The following PRSS16 variants were observed in gnomAD, a reference collection of about 807,000 sequenced individuals.
PRSS16 encodes thymus-specific serine protease.
A neutral mutation model predicts 61.7 loss-of-function variants in PRSS16; 43 were observed. That is an observed-to-expected ratio of 0.70 (90% CI 0.55 to 0.90). PRSS16 has a LOEUF of 0.90. PRSS16 is among the 40% of genes least tolerant of loss of function. The probability of loss-of-function intolerance (pLI) is 0.00; values close to 1 mark genes in which losing one functional copy is unlikely to be tolerated. For missense variants in PRSS16, 591 were observed against 659.1 expected, an observed-to-expected ratio of 0.90 and a Z score of 1.13; for synonymous variants, 273 against 285.2, an observed-to-expected ratio of 0.96 and a Z score of 0.43.
At chr6:27,249,041 AG>A in intron 3 of PRSS16, 58 bp from the exon 4 acceptor site, 2 of 1,485,374 alleles carry the variant, frequency 1.3e-6, no homozygotes, top group Non-Finnish European at 9.3e-7. Context: ...GAGGAGTGAA[AG>A]GGCTTAAACT....
At position 27,255,242 on chromosome 6, in the gene PRSS16, C is replaced by T; in HGVS notation, c.1477-5C>T. On this transcript the variant is annotated splice_region_variant and splice_polypyrimidine_tract_variant and intron_variant, in intron 11 of 11. Transcript: ENST00000230582. The surrounding 1 kb of genome is among the most constrained non-coding windows in gnomAD (Gnocchi z 4.4). The stretch of plus-strand genomic sequence containing the variant: ...GACTTTCAAATTCTTCCCACCTCCC[C>T]ACAGAACATCTTCCAGCAGCTACAG... 6.2e-7 allele frequency: 1 copy of T among 1,614,036 alleles called. No homozygotes were observed. Among genetic ancestry groups the T allele is most frequent in the South Asian group, 1.1e-5 (1 of 91,060 alleles).
chr6:27,253,218 G>A, intron 9 of PRSS16: 1 of 472,898 alleles, frequency 2.1e-6, no homozygotes, highest in Non-Finnish European at 3.9e-6. Flanking sequence ...TCCAGGGATG[G>A]CCCCCTTTCC....
Position 27,248,954 on chromosome 6 carries a change from G to T in PRSS16, c.337+8G>T, listed in dbSNP as rs1759802253. 3.1e-6 allele frequency: 5 copies of T among 1,598,914 alleles called. No individual in the cohort carries two copies. Among genetic ancestry groups the T allele is most frequent in the Non-Finnish European group, 3.4e-6 (4 of 1,170,242 alleles). On this transcript the variant is annotated splice_region_variant and intron_variant, in intron 3 of 11. Coordinates refer to ENST00000230582, the MANE Select transcript of PRSS16 (RefSeq NM_005865.4). ...CTGGCTCAGTGATGAGAGGTAAGAG[G>T]CAATGTTGGGGGAAAGGAGTTGGGA...
At chr6:27,253,055 A>C in intron 9 of PRSS16, 106 bp downstream of exon 9, 22 of 1,438,906 alleles carry the variant, frequency 1.5e-5, no homozygotes, top group Non-Finnish European at 1.9e-5. Flanking sequence ...CCCAGCTCTC[A>C]GGCACTGTGT....
Position 27,248,960 on chromosome 6 carries a change from T to C in PRSS16, c.337+14T>C, listed in dbSNP as rs897727311. 1.4e-5 allele frequency: 23 copies of C among 1,594,346 alleles called. No homozygotes were observed. Among genetic ancestry groups the C allele is most frequent in the Non-Finnish European group, 1.9e-5 (22 of 1,166,952 alleles). On this transcript the variant is annotated intron_variant, in intron 3 of 11. Coordinates refer to ENST00000230582, the MANE Select transcript of PRSS16 (RefSeq NM_005865.4). ...CAGTGATGAGAGGTAAGAGGCAATG[T>C]TGGGGGAAAGGAGTTGGGATGCTGG...
At position 27,254,817 on chromosome 6, in the gene PRSS16, G is replaced by A. The variant is rs141944192; in HGVS notation, c.1275G>A (p.Thr425=). ...CAGTAGCCCAGGCTGTGGCTCAGAC[G>A]AACTCCTACTACGGTGGCCAGACCC... The part of the protein sequence containing the change: ...ALSVAQAVAQ[T]NSYYGGQTPG... The change falls in exon 10 of 12, where the codon ACG becomes ACA. Residue 425 remains threonine (T), a synonymous_variant. Transcript: ENST00000230582. 23 of 1,614,058 alleles carry A rather than the reference G, an allele frequency of 1.4e-5. No individual in the cohort carries two copies. The African/African-American group carries it at 2.0e-4, about 14-fold the overall frequency.
rs1425268777 is a variant in PRSS16, at chr6:27,248,894, A to G, written c.285A>G (p.Ile95Met). 6.2e-7 allele frequency: 1 copy of G among 1,612,934 alleles called. No individual in the cohort carries two copies. The highest frequency in any genetic ancestry group is 2.2e-5 in the East Asian group (1 of 44,874). The change falls in exon 3 of 12, where the codon ATA becomes ATG. Residue 95 changes from isoleucine (I) to methionine (M), a missense_variant. Transcript: ENST00000230582. ...ATTGGGTTGGCCAGGATGGACCCAT[A>G]TTCCTGCATCTAGGGGGTGAGGGCA... ...DQHWVGQDGPIFLHLGGEGSL... is the reference protein window; with the variant it reads ...DQHWVGQDGPMFLHLGGEGSL...
In PRSS16 at chr6:27,251,290, G is replaced by A. The variant is rs1429320277; in HGVS notation, c.717+26G>A. On this transcript the variant is annotated intron_variant, in intron 7 of 11. Transcript: ENST00000230582. This position sits in a 1 kb window ranked among gnomAD's most constrained non-coding sequence, Gnocchi z 5.6. Reference sequence around the variant, plus strand: ...GTAGGAGGTGGGGCCTAGTCCGAGGGGGACTGGGAGGGAAAAGAGGCCTCG... The same window carrying A: ...GTAGGAGGTGGGGCCTAGTCCGAGGAGGACTGGGAGGGAAAAGAGGCCTCG... 1 of 1,573,666 alleles carries A rather than the reference G, an allele frequency of 6.4e-7. No homozygotes were observed. The highest frequency in any genetic ancestry group is 8.6e-7 in the Non-Finnish European group (1 of 1,162,262).
chr6:27,255,118 G>A lies in PRSS16; in HGVS notation c.1463G>A (p.Arg488His), dbSNP rs1385288649. Reference sequence around the variant, plus strand: ...AGGCCCTCAGACTCCCCCAGCCTCCGCCTAGGGCGCCAGGTAAGAGAAAAA... The same window carrying A: ...AGGCCCTCAGACTCCCCCAGCCTCCACCTAGGGCGCCAGGTAAGAGAAAAA... ...PERPSDSPSL[R>H]LGRQNIFQQL... The change falls in exon 11 of 12, where the codon CGC (arginine) becomes CAC (histidine). Residue 488 changes from arginine to histidine, a missense_variant. Arg to His is a conservative substitution (Grantham distance 29, BLOSUM62 0). Coordinates refer to ENST00000230582, the MANE Select transcript of PRSS16 (RefSeq NM_005865.4). The surrounding 1 kb of genome is among the most constrained non-coding windows in gnomAD (Gnocchi z 4.4). 1.6e-5 allele frequency: 26 copies of A among 1,614,138 alleles called. No homozygotes were observed. Among genetic ancestry groups the A allele is most frequent in the East Asian group, 2.2e-5 (1 of 44,874 alleles).
Position 27,252,950 on chromosome 6 carries a change from G to C in PRSS16, c.1150+1G>C. ...CAGACATGTACCGAGTTCGGCTTCT[G>C]TAAGTGACTGGCCTAACCCTAACTT... On this transcript the variant is annotated splice_donor_variant, in intron 9 of 11. Transcript: ENST00000230582. LOFTEE classifies it high-confidence loss of function. The surrounding 1 kb of genome is among the most constrained non-coding windows in gnomAD (Gnocchi z 4.2). The C allele has an allele frequency of 6.2e-7, 1 of 1,614,160 alleles. No individual in the cohort carries two copies. The highest frequency in any genetic ancestry group is 8.5e-7 in the Non-Finnish European group (1 of 1,180,038).
At chr6:27,253,042 C>A (rs1232051850) in intron 9 of PRSS16, 93 bp downstream of exon 9, 1 of 1,523,936 alleles carries the variant, frequency 6.6e-7, no homozygotes, top group Non-Finnish European at 9.0e-7. Flanking sequence ...GGACTCATTT[C>A]GACCCAGCTC....
In PRSS16 at chr6:27,252,157, A is replaced by G; in HGVS notation, c.1008+117A>G. The stretch of plus-strand genomic sequence containing the variant: ...TCTGAAACTTCGTTTTCTCATCTGT[A>G]AAATGGGGATAACACTTCACAGGGC... On this transcript the variant is annotated intron_variant, in intron 8 of 11. Transcript: ENST00000230582. The surrounding 1 kb of genome is among the most constrained non-coding windows in gnomAD (Gnocchi z 4.2). The G allele has an allele frequency of 8.0e-7, 1 of 1,246,654 alleles. No homozygotes were observed. Among genetic ancestry groups the G allele is most frequent in the Non-Finnish European group, 1.1e-6 (1 of 934,748 alleles). 77.2% of individuals were successfully genotyped at this position (1,246,654 alleles called of 1,614,324 possible).
Position 27,251,092 on chromosome 6 carries a change from C to T in PRSS16, c.642C>T (p.Ala214=), listed in dbSNP as rs1363313108. The change falls in exon 6 of 12, where the codon GCC becomes GCT. Residue 214 remains alanine (A), a synonymous_variant. Transcript: ENST00000230582. The surrounding 1 kb of genome is among the most constrained non-coding windows in gnomAD (Gnocchi z 5.6). ...TCGCCTCCTCCGCCCCGGTGCGGGC[C>T]GTGCTGGATTTCTCCGAGTATAATG... ...ASVASSAPVR[A]VLDFSEYNDV... is the part of the protein sequence containing the mutation. 40 of 1,614,016 alleles carry T rather than the reference C, an allele frequency of 2.5e-5. No homozygotes were observed. The highest frequency in any genetic ancestry group is 3.3e-5 in the Non-Finnish European group (39 of 1,180,062).
Position 27,252,851 on chromosome 6 carries a change from G to C in PRSS16, c.1052G>C (p.Arg351Pro). 1.9e-6 allele frequency: 3 copies of C among 1,614,084 alleles called. No individual in the cohort carries two copies. Among genetic ancestry groups the C allele is most frequent in the Non-Finnish European group, 1.7e-6 (2 of 1,180,032 alleles). ...SLGQKCLSFS[R>P]AETVAQLRST... Reference sequence around the variant, plus strand: ...GGCCAGAAGTGTTTAAGCTTTTCCCGAGCAGAGACAGTGGCACAGCTGAGG... The same window carrying C: ...GGCCAGAAGTGTTTAAGCTTTTCCCCAGCAGAGACAGTGGCACAGCTGAGG... Residue 351 changes from arginine (R) to proline (P), a missense_variant, in exon 9 of 12, where the codon CGA becomes CCA. By Grantham distance (103) the Arg-to-Pro change is moderately radical (BLOSUM62 -2). Coordinates refer to ENST00000230582, the MANE Select transcript of PRSS16 (RefSeq NM_005865.4). The surrounding 1 kb of genome is among the most constrained non-coding windows in gnomAD (Gnocchi z 4.2).
chr6:27,251,591 G>T lies in PRSS16; in HGVS notation c.718-159G>T. The T allele has an allele frequency of 1.1e-6, 1 of 951,830 alleles. No individual in the cohort carries two copies. Among genetic ancestry groups the T allele is most frequent in the South Asian group, 1.8e-5 (1 of 54,864 alleles). 59.0% of individuals were successfully genotyped at this position (951,830 alleles called of 1,614,324 possible). A position where few individuals can be genotyped will look rare whatever the true frequency, so the allele number is the denominator to read the frequency against. ...AGGGCTGCGAGGCAGGGGATTGGGG[G>T]CGGGGGCCTGGGGGCGGGGGCCTGG... On this transcript the variant is annotated intron_variant, in intron 7 of 11. Transcript: ENST00000230582. This position sits in a 1 kb window ranked among gnomAD's most constrained non-coding sequence, Gnocchi z 5.6.
chr6:27,248,867 A>G lies in PRSS16; in HGVS notation c.258A>G (p.Gln86=). Residue 86 remains glutamine (Q), a synonymous_variant, in exon 3 of 12, where the codon CAA becomes CAG. Coordinates refer to ENST00000230582, the MANE Select transcript of PRSS16 (RefSeq NM_005865.4). The stretch of plus-strand genomic sequence containing the variant: ...CTCAGCGTTACTGGGTGAATGACCA[A>G]CATTGGGTTGGCCAGGATGGACCCA... ...SFLQRYWVND[Q]HWVGQDGPIF... 1 of 1,611,962 alleles carries G rather than the reference A, an allele frequency of 6.2e-7. No individual in the cohort carries two copies. Among genetic ancestry groups the G allele is most frequent in the Non-Finnish European group, 8.5e-7 (1 of 1,178,826 alleles).
In PRSS16 at chr6:27,252,042, T is replaced by C. The variant is rs1463248427; in HGVS notation, c.1008+2T>C. ...TGCGGGCTTCGTCGGGCGGTGCAGG[T>C]GAGCACTCCCTGGCACAGCTGGGAG... On this transcript the variant is annotated splice_donor_variant, in intron 8 of 11. Transcript: ENST00000230582. LOFTEE classifies it high-confidence loss of function. The surrounding 1 kb of genome is among the most constrained non-coding windows in gnomAD (Gnocchi z 4.2). The C allele has an allele frequency of 2.6e-6, 4 of 1,517,588 alleles. No homozygotes were observed. Among genetic ancestry groups the C allele is most frequent in the Non-Finnish European group, 3.5e-6 (4 of 1,137,288 alleles). 94.0% of individuals were successfully genotyped at this position (1,517,588 alleles called of 1,614,324 possible).
At position 27,254,755 on chromosome 6, in the gene PRSS16, G is replaced by C; in HGVS notation, c.1213G>C (p.Asp405His). ...GCTCCCAGCACTGCCCTCCCAGCTA[G>C]ACCTATGTGAGCAGGTGTTTGGGCT... ...SQLPALPSQL[D>H]LCEQVFGLSA... Residue 405 changes from aspartate (D) to histidine (H), a missense_variant, in exon 10 of 12, where the codon GAC (aspartate) becomes CAC (histidine). Transcript: ENST00000230582. 1 of 1,614,024 alleles carries C rather than the reference G, an allele frequency of 6.2e-7. No individual in the cohort carries two copies. The highest frequency in any genetic ancestry group is 8.5e-7 in the Non-Finnish European group (1 of 1,179,888).
Position 27,252,240 on chromosome 6 carries a change from A to G in PRSS16, c.1008+200A>G. On this transcript the variant is annotated intron_variant, in intron 8 of 11. Transcript: ENST00000230582. The surrounding 1 kb of genome is among the most constrained non-coding windows in gnomAD (Gnocchi z 4.2). ...GAGCAATCAGCTGGGAGCCTGGCAC[A>G]CAGTGTGCGAATGTTAGAGACTGCG... 1 of 647,148 alleles carries G rather than the reference A, an allele frequency of 1.5e-6. No homozygotes were observed. Among genetic ancestry groups the G allele is most frequent in the Non-Finnish European group, 2.5e-6 (1 of 403,080 alleles). 40.1% of individuals were successfully genotyped at this position (647,148 alleles called of 1,614,324 possible). A position where few individuals can be genotyped will look rare whatever the true frequency, so the allele number is the denominator to read the frequency against.
Sources: gnomAD v4.1 joint callset for allele counts on GRCh38, gnomAD v4.1.1 for gene constraint, Gnocchi (gnomAD v3.1) non-coding constraint, MANE v1.5 for transcripts, NCBI Gene and HGNC (gene_info 2026-07-23, HGNC 2026-07-21) for gene names.